Variants in DMD observed in about 807,000 individuals in gnomAD.
DMD encodes the protein mutant dystrophin.
Under a neutral mutation model 330.1 loss-of-function variants are expected in DMD, and 63 were observed. That is an observed-to-expected ratio of 0.19 (90% CI 0.16 to 0.24). DMD has a LOEUF of 0.24. Ranked by LOEUF, DMD falls within the 10% of genes least tolerant of loss-of-function variation. The pLI, the probability that DMD is intolerant of heterozygous loss-of-function variation, is 1.00. For synonymous variants in DMD, 1,223 were observed against 959.8 expected (o/e 1.27, Z -5.07); for missense variants, 3,344 against 2,684.1 (o/e 1.25, Z -5.43).
At chrX:32,438,805 G>A (rs771456950) in intron 28 of DMD, among the ~76,000 whole-genome samples, 1 of 111,694 alleles carries the variant, frequency 9.0e-6, no homozygotes, top group Admixed American at 9.5e-5. Flanking sequence ...ATGGCCTGGA[G>A]GTATAACAAT....
At chrX:32,761,141 T>A (rs1569512653) in intron 7 of DMD, among the ~76,000 whole-genome samples, 1 of 112,230 alleles carries the variant, frequency 8.9e-6, no homozygotes, top group East Asian at 2.8e-4. Flanking sequence ...CCTGTGACTT[T>A]AATAATGTTG....
At chrX:31,928,116 G>C (rs974034048) in intron 47 of DMD, among the ~76,000 whole-genome samples, 3 of 111,922 alleles carry the variant, frequency 2.7e-5, no homozygotes, top group Non-Finnish European at 3.8e-5. Context: ...CTACAACATA[G>C]ATGAACCTTG....
At chrX:31,633,605 T>C (rs1016401520) in intron 54 of DMD, among the ~76,000 whole-genome samples, 1 of 111,954 alleles carries the variant, frequency 8.9e-6, no homozygotes, top group African/African-American at 3.2e-5. Context: ...TCTGGAGTCC[T>C]TCCCAGTAGC....
chrX:31,917,026 T>G (rs1304186059), intron 47 of DMD, among the ~76,000 whole-genome samples: 3 of 111,768 alleles, frequency 2.7e-5, no homozygotes, highest in African/African-American at 9.8e-5. Context: ...TGCATTCCAT[T>G]GAATGGGATT....
intron 2 of DMD, among the ~76,000 whole-genome samples, chrX:33,007,836 T>G (rs965835126): frequency 8.9e-6 from 1 of 111,906 alleles, no homozygotes; most frequent in East Asian, 2.8e-4. Flanking sequence ...AAAATATTTA[T>G]TCTCTGACTG....
At chrX:31,180,043 T>C (rs2040990475) in intron 69 of DMD, among the ~76,000 whole-genome samples, 1 of 111,984 alleles carries the variant, frequency 8.9e-6, no homozygotes, top group African/African-American at 3.2e-5. Context: ...ACATGCCTCA[T>C]GGCCATAAGA....
chrX:32,815,520 T>TATATATATATATATATATAATATATATAC, intron 6 of DMD, among the ~76,000 whole-genome samples: 19 of 78,918 alleles, frequency 2.4e-4, no homozygotes, highest in African/African-American at 1.0e-3. Flanking sequence ...TATATATATA[T>TATATATATATATATATATAATATATATAC]ACACACACAC....
intron 50 of DMD, among the ~76,000 whole-genome samples, chrX:31,778,414 C>T (rs2090801292): frequency 9.0e-6 from 1 of 111,125 alleles, no homozygotes; most frequent in African/African-American, 3.3e-5. Context: ...CTTCATCGAC[C>T]TCTCACATTA....
rs1008022619 is a variant in DMD, at chrX:32,024,502, A to T, written c.6439-55988T>A. Among the ~76,000 whole-genome samples the T allele has an allele frequency of 2.2e-3, 242 of 109,317 alleles. 3 individuals are homozygous for T. The highest frequency in any genetic ancestry group is 7.2e-3 in the African/African-American group (216 of 29,821). The allele number at this position is 109,317 out of a possible 115,157, so 94.9% of individuals were successfully genotyped here. A position where few individuals can be genotyped will look rare whatever the true frequency, so the allele number is the denominator to read the frequency against. The stretch of plus-strand genomic sequence containing the variant: ...ACTCCCTCTCAAAAAAAAAAAAAAA[A>T]AAAAAAGTATGAAACAAACAAAGAA... On this transcript the variant is annotated intron_variant, in intron 44 of 78. Coordinates refer to ENST00000357033, the MANE Select transcript of DMD (RefSeq NM_004006.3).
At chrX:32,917,632 GAGA>G (rs1024910506) in intron 2 of DMD, among the ~76,000 whole-genome samples, 2 of 112,041 alleles carry the variant, frequency 1.8e-5, no homozygotes, top group Non-Finnish European at 3.8e-5. Context: ...GGGAAAAAAA[GAGA>G]AGAAGGTAAA....
chrX:31,792,224 A>G (rs370299400), intron 50 of DMD, among the ~76,000 whole-genome samples: 224 of 112,007 alleles, frequency 2.0e-3, no homozygotes, highest in African/African-American at 6.7e-3. Flanking sequence ...TTAGAAAGCA[A>G]TATTTTATCA....
chrX:31,341,891 G>GCACACACACACACACACACACA (rs58867858), intron 61 of DMD, among the ~76,000 whole-genome samples: 1 of 98,889 alleles, frequency 1.0e-5, no homozygotes, highest in South Asian at 5.1e-4. Flanking sequence ...GTGCGCGCGC[G>GCACACACACACACACACACACA]CACACACACA....
At chrX:31,435,359 CTGATA>C (rs1178215453) in intron 60 of DMD, among the ~76,000 whole-genome samples, 1 of 111,676 alleles carries the variant, frequency 9.0e-6, no homozygotes, top group Non-Finnish European at 1.9e-5. Context: ...GGCTGTACTT[CTGATA>C]TAAGAATCAT....
chrX:33,036,461 C>T (rs1044853141), intron 1 of DMD, among the ~76,000 whole-genome samples: 2 of 110,022 alleles, frequency 1.8e-5, no homozygotes, highest in Non-Finnish European at 3.8e-5. Context: ...TTTTTTGGAA[C>T]CTTGAAAAAT....
At chrX:32,741,054 C>A (rs1043032752) in intron 7 of DMD, among the ~76,000 whole-genome samples, 8 of 111,344 alleles carry the variant, frequency 7.2e-5, no homozygotes, top group African/African-American at 2.6e-4. Context: ...TATTTGGTAA[C>A]CTTTAGAAAA....
chrX:32,589,651 C>G (rs2054673570), intron 13 of DMD, among the ~76,000 whole-genome samples: 2 of 111,161 alleles, frequency 1.8e-5, no homozygotes, highest in South Asian at 7.6e-4. Context: ...CAAACTAATT[C>G]AACTGATTTA....
At chrX:32,452,954 A>G (rs2098340286) in intron 26 of DMD, among the ~76,000 whole-genome samples, 1 of 110,823 alleles carries the variant, frequency 9.0e-6, no homozygotes, top group African/African-American at 3.3e-5. Context: ...CTCTGAATAG[A>G]ATGTGTTTCC....
intron 37 of DMD, among the ~76,000 whole-genome samples, chrX:32,352,379 C>CA (rs2097784729): frequency 9.0e-6 from 1 of 110,687 alleles, no homozygotes; most frequent in African/African-American, 3.3e-5. Context: ...TAGTAAAAAA[C>CA]AAAAAACAGA....
At chrX:32,539,172 CT>C (rs71980872) in intron 17 of DMD, among the ~76,000 whole-genome samples, 34,726 of 95,209 alleles carry the variant, frequency 0.36, 4,969 homozygotes, top group East Asian at 0.56. Flanking sequence ...ATTTCTATTT[CT>C]TTTTTTTTTT....
Sources: allele counts gnomAD v4.1 joint callset (sites outside exome capture counted in the v4.1 genomes callset), GRCh38; gene constraint gnomAD v4.1.1; transcripts MANE v1.5; gene names NCBI Gene and HGNC (gene_info 2026-07-23, HGNC 2026-07-21).